The following RPS9 variants were observed in gnomAD, a reference collection of about 807,000 sequenced individuals.
The protein encoded by RPS9 is small ribosomal subunit protein uS4.
Under a neutral mutation model 16.9 loss-of-function variants are expected in RPS9, and 1 was observed. The ratio of observed to expected loss-of-function variants is 0.06; its 90% CI spans 0.02 to 0.28. The LOEUF (loss-of-function observed/expected upper bound fraction) is 0.28, where lower values mean the gene tolerates loss of function less well. Ranked by LOEUF, RPS9 falls within the 10% of genes least tolerant of loss-of-function variation. The probability of loss-of-function intolerance (pLI) is 1.00; values close to 1 mark genes in which losing one functional copy is unlikely to be tolerated. For synonymous variants in RPS9, 106 were observed against 110.9 expected, an observed-to-expected ratio of 0.96 and a Z score of 0.28; for missense variants, 137 against 273.2, an observed-to-expected ratio of 0.50 and a Z score of 3.51.
intron 3 of RPS9, chr19:54,202,743 C>G: frequency 2.0e-6 from 2 of 985,414 alleles, no homozygotes; most frequent in African/African-American, 3.5e-5. Flanking sequence ...GAAAAGCAGT[C>G]TCTACACCTG....
chr19:54,203,479 T>TA lies in RPS9; in HGVS notation c.220+1871dup, dbSNP rs1371221424. On this transcript the variant is annotated intron_variant, in intron 3 of 4. Transcript: ENST00000302907. ...TGGCTGGCAGTTAATAATCAACAGA[T>TA]AGAGGCCAGGCGTGGTGGCTCATGC... The TA allele has an allele frequency of 1.5e-5, 3 of 199,286 alleles. No homozygotes were observed. The Admixed American group carries it at 2.0e-4, about 13-fold the overall frequency. 12.3% of individuals were successfully genotyped at this position (199,286 alleles called of 1,614,324 possible). A position where few individuals can be genotyped will look rare whatever the true frequency, so the allele number is the denominator to read the frequency against.
At position 54,207,537 on chromosome 19, in the gene RPS9, G is replaced by T. The variant is rs1802698; in HGVS notation, c.547G>T (p.Gly183Cys). 3 of 1,612,314 alleles carry T rather than the reference G, an allele frequency of 1.9e-6. No individual in the cohort carries two copies. Among genetic ancestry groups the T allele is most frequent in the African/African-American group, 1.3e-5 (1 of 74,888 alleles). ...VKRKNAKKGQ[G>C]GAGAGDDEEE... Reference sequence around the variant, plus strand: ...GAGGAAGAATGCCAAGAAGGGCCAGGGTGGGGCTGGGGCTGGAGACGACGA... The same window carrying T: ...GAGGAAGAATGCCAAGAAGGGCCAGTGTGGGGCTGGGGCTGGAGACGACGA... The change falls in exon 5 of 5, where the codon GGT becomes TGT. Residue 183 changes from glycine (G) to cysteine (C), a missense_variant. This residue lies in a region of RPS9 where 19 missense variants were observed against 18.2 expected (regional missense o/e 1.04). Coordinates refer to ENST00000302907, the MANE Select transcript of RPS9 (RefSeq NM_001013.4).
At chr19:54,202,743 C>T (rs1466929281) in intron 3 of RPS9, 5 of 985,296 alleles carry the variant, frequency 5.1e-6, no homozygotes, top group South Asian at 4.7e-5. Context: ...GAAAAGCAGT[C>T]TCTACACCTG....
At chr19:54,201,078 G>A in intron 1 of RPS9, 82 bp from the exon 2 acceptor site, 2 of 1,554,248 alleles carry the variant, frequency 1.3e-6, no homozygotes, top group Non-Finnish European at 1.7e-6. Flanking sequence ...ATCGGATCTG[G>A]GCTCCGCGAG....
In RPS9 at chr19:54,207,570, G is replaced by A; in HGVS notation, c.580G>A (p.Asp194Asn). 6.2e-7 allele frequency: 1 copy of A among 1,608,400 alleles called. No homozygotes were observed. The highest frequency in any genetic ancestry group is 8.5e-7 in the Non-Finnish European group (1 of 1,177,814). ...TGGGGCTGGAGACGACGAGGAGGAG[G>A]ATTAAGTCCACCTGTCCCTCCTGGG... ...GAGAGDDEEE[D>N] The change falls in exon 5 of 5, where the codon GAT becomes AAT. Residue 194 changes from aspartate (D) to asparagine (N), a missense_variant. Asp to Asn is a conservative substitution (Grantham distance 23). Coordinates refer to ENST00000302907, the MANE Select transcript of RPS9 (RefSeq NM_001013.4).
chr19:54,203,080 C>G (rs1194825850), intron 3 of RPS9: 2 of 985,044 alleles, frequency 2.0e-6, no homozygotes, highest in African/African-American at 3.5e-5. Context: ...GATACTGATG[C>G]TGGGTGGGAA....
chr19:54,202,475 A>C, intron 3 of RPS9: 1 of 985,288 alleles, frequency 1.0e-6, no homozygotes, highest in Non-Finnish European at 1.2e-6. Context: ...GAACCTGTAA[A>C]ATGTCTCAGG....
At chr19:54,205,406 G>A (rs1227486794) in intron 3 of RPS9, among the ~76,000 whole-genome samples, 1 of 151,350 alleles carries the variant, frequency 6.6e-6, no homozygotes, top group Non-Finnish European at 1.5e-5. Flanking sequence ...ATACATACTA[G>A]ATATATTTTT....
At chr19:54,205,365 G>C (rs1372636230) in intron 3 of RPS9, among the ~76,000 whole-genome samples, 1 of 151,236 alleles carries the variant, frequency 6.6e-6, no homozygotes, top group East Asian at 1.9e-4. Flanking sequence ...GGCATCTGTT[G>C]GATATTTTAT....
At chr19:54,203,718 C>T (rs2077140604) in intron 3 of RPS9, among the ~76,000 whole-genome samples, 3 of 151,950 alleles carry the variant, frequency 2.0e-5, no homozygotes, top group Non-Finnish European at 4.4e-5. Context: ...CTGCAGTGAG[C>T]CGAGATCCGC....
chr19:54,206,236 G>C, intron 3 of RPS9, 40 bp from the exon 4 acceptor site: 16 of 1,598,390 alleles, frequency 1.0e-5, no homozygotes, highest in Non-Finnish European at 1.4e-5. Flanking sequence ...GAAGCCTGAG[G>C]TCAGAAGGCG....
chr19:54,206,857 C>G (rs552138754), intron 4 of RPS9: 8 of 731,180 alleles, frequency 1.1e-5, no homozygotes, highest in African/African-American at 1.1e-4. Context: ...TCTGGGTACT[C>G]AGTGTGCCCT....
At chr19:54,200,951 A>C (rs1195585841) in intron 1 of RPS9, 63 bp downstream of exon 1, 4 of 1,396,308 alleles carry the variant, frequency 2.9e-6, no homozygotes, top group Non-Finnish European at 3.7e-6. Context: ...GGGCCTTCCG[A>C]GTTTCCATGA....
intron 1 of RPS9, 48 bp downstream of exon 1, chr19:54,200,936 G>A: frequency 2.2e-6 from 3 of 1,387,098 alleles, no homozygotes; most frequent in Non-Finnish European, 2.8e-6. Flanking sequence ...GTTGGATGGT[G>A]GCCCGGGCCT....
rs369499607 is a variant in RPS9, at chr19:54,206,259, C to T, written c.221-17C>T. 199 of 1,608,546 alleles carry T rather than the reference C, an allele frequency of 1.2e-4. No individual in the cohort carries two copies. The Middle Eastern group carries it at 2.0e-3, about 16-fold the overall frequency. ...AGGTCAGAAGGCGGAATCAGTGTTT[C>T]CTCCCACTCTTCCCAGGCAACGCCC... On this transcript the variant is annotated splice_polypyrimidine_tract_variant and intron_variant, in intron 3 of 4. Coordinates refer to ENST00000302907, the MANE Select transcript of RPS9 (RefSeq NM_001013.4).
intron 3 of RPS9, chr19:54,203,038 C>A: frequency 1.0e-6 from 1 of 985,262 alleles, no homozygotes; most frequent in Non-Finnish European, 1.2e-6. Context: ...CGTTGATAAT[C>A]TCATGAAAGT....
rs765938499 is a variant in RPS9 at position 54,201,500 on chromosome 19, C to T, written c.111C>T (p.Leu37=). The change falls in exon 3 of 5, where the codon CTC becomes CTT. Residue 37 remains leucine (L), a synonymous_variant. Coordinates refer to ENST00000302907, the MANE Select transcript of RPS9 (RefSeq NM_001013.4). ...TCTCCCCACCAGGCGAGTATGGGCT[C>T]CGGAACAAACGTGAGGTCTGGAGGG... ...QELKLIGEYG[L]RNKREVWRVK... 2.9e-5 allele frequency: 46 copies of T among 1,613,862 alleles called. No homozygotes were observed. Among genetic ancestry groups the T allele is most frequent in the Admixed American group, 3.3e-5 (2 of 59,970 alleles).
intron 3 of RPS9, 45 bp from the exon 4 acceptor site, chr19:54,206,231 C>G (rs1241605848): frequency 6.3e-7 from 1 of 1,591,466 alleles, no homozygotes; most frequent in East Asian, 2.2e-5. Context: ...CCCAAGAAGC[C>G]TGAGGTCAGA....
chr19:54,207,488 G>A lies in RPS9; in HGVS notation c.498G>A (p.Gly166=), dbSNP rs746879721. The change falls in exon 5 of 5, where the codon GGG becomes GGA. Residue 166 remains glycine (G), a synonymous_variant. Coordinates refer to ENST00000302907, the MANE Select transcript of RPS9 (RefSeq NM_001013.4). ...ACTTCTCTCTGCGCTCTCCCTACGG[G>A]GGTGGCCGCCCGGGCCGCGTGAAGA... ...HIDFSLRSPY[G]GGRPGRVKRK... 66 of 1,613,300 alleles carry A rather than the reference G, an allele frequency of 4.1e-5. 1 individual carries two copies. In the South Asian group the frequency reaches 6.3e-4, roughly 15 times the overall value.
Sources: gnomAD v4.1 joint callset for allele counts (sites outside exome capture counted in the v4.1 genomes callset) on GRCh38, gnomAD v4.1.1 for gene constraint, gnomAD v4.1.1 regional missense constraint, MANE v1.5 for transcripts, NCBI Gene and HGNC (gene_info 2026-07-23, HGNC 2026-07-21) for gene names.